OTOGL: variants seen among roughly 807,000 people sequenced by gnomAD.
The protein encoded by OTOGL is otogelin like, also known as otogelin-like protein.
A neutral mutation model predicts 318.5 loss-of-function variants in OTOGL; 285 were observed. The ratio of observed to expected loss-of-function variants is 0.89; its 90% CI spans 0.81 to 0.99. The LOEUF is 0.99. Ranked by LOEUF, OTOGL falls within the 50% of genes least tolerant of loss-of-function variation. The pLI, the probability that OTOGL is intolerant of heterozygous loss-of-function variation, is 0.00. For missense variants in OTOGL, 2,899 were observed against 2,845.6 expected (o/e 1.02, Z -0.43); for synonymous variants, 987 against 936.5 (o/e 1.05, Z -0.99).
chr12:80,316,316 A>G (rs1011848012), intron 32 of OTOGL, among the ~76,000 whole-genome samples: 1 of 152,160 alleles, frequency 6.6e-6, no homozygotes, highest in African/African-American at 2.4e-5. Context: ...TCCTCACTCA[A>G]AAATTCCTGT....
chr12:80,356,046 A>G (rs1416409552), intron 47 of OTOGL, 98 bp downstream of exon 47: 1 of 1,298,544 alleles, frequency 7.7e-7, no homozygotes, highest in African/African-American at 1.5e-5. Context: ...TATTTTTAAA[A>G]AAGGGCCATA....
At chr12:80,283,192 A>G (rs1453563833) in intron 26 of OTOGL, among the ~76,000 whole-genome samples, 1 of 151,920 alleles carries the variant, frequency 6.6e-6, no homozygotes, top group Non-Finnish European at 1.5e-5. Flanking sequence ...CCTTACAATA[A>G]TATACTATTT....
intron 29 of OTOGL, among the ~76,000 whole-genome samples, chr12:80,308,655 A>G (rs1886406398): frequency 6.6e-6 from 1 of 152,130 alleles, no homozygotes; most frequent in South Asian, 2.1e-4. Context: ...AGATCAGGCC[A>G]CTGCACTCCA....
At position 80,204,592 on chromosome 12, in the gene OTOGL, G is replaced by A. The variant is rs113483238; in HGVS notation, c.-19-4821G>A. 5.5e-3 allele frequency among the ~76,000 whole-genome samples: 841 copies of A among 152,206 alleles called. 7 individuals carry two copies. Among genetic ancestry groups the A allele is most frequent in the African/African-American group, 0.019 (780 of 41,526 alleles). On this transcript the variant is annotated intron_variant, in intron 1 of 58. Coordinates refer to ENST00000547103, the MANE Select transcript of OTOGL (RefSeq NM_001378609.3). ...ATAAAGTAACCTAGAAAATAAAAGC[G>A]TGTAATTTTTGATGCTTGGTGGTTT... is the stretch of plus-strand genomic sequence containing the variant.
chr12:80,302,426 CT>C (rs1225805653), intron 27 of OTOGL, among the ~76,000 whole-genome samples: 1 of 152,164 alleles, frequency 6.6e-6, no homozygotes, highest in Admixed American at 6.5e-5. Flanking sequence ...TGGGGTCCAT[CT>C]GCTAGTTCGT....
intron 11 of OTOGL, among the ~76,000 whole-genome samples, chr12:80,248,822 C>T (rs901443573): frequency 1.8e-4 from 27 of 150,010 alleles, no homozygotes; most frequent in Admixed American, 1.2e-3. Context: ...TAGATTTGGT[C>T]TTTTCACATA....
chr12:80,345,881 C>T (rs1258257454), intron 44 of OTOGL, among the ~76,000 whole-genome samples: 1 of 152,146 alleles, frequency 6.6e-6, no homozygotes, highest in Non-Finnish European at 1.5e-5. Flanking sequence ...CTTCAGACAA[C>T]ATCTTTAGCT....
chr12:80,282,950 G>C (rs569646625), intron 26 of OTOGL, among the ~76,000 whole-genome samples: 2 of 152,054 alleles, frequency 1.3e-5, no homozygotes, highest in African/African-American at 4.8e-5. Flanking sequence ...CAAGGACCAA[G>C]TCTTGCTCAT....
chr12:80,193,422 A>G (rs2137267007), intron 1 of OTOGL, among the ~76,000 whole-genome samples: 2 of 152,228 alleles, frequency 1.3e-5, no homozygotes, highest in East Asian at 3.9e-4. Context: ...AGGCTGAGGC[A>G]AGAGAATCAC....
Position 80,271,698 on chromosome 12 carries a change from C to G in OTOGL, c.2569C>G (p.Pro857Ala). Residue 857 changes from proline (P) to alanine (A), a missense_variant, in exon 24 of 59, where the codon CCT becomes GCT. Physicochemically the swap from Pro to Ala is conservative, Grantham distance 27. This residue lies in a region of OTOGL where 2,607 missense variants were observed against 2,524.9 expected (regional missense o/e 1.03). Transcript: ENST00000547103. ...GTATTTCGACTGCAGGTTTCCTGACCCTGAATTACCAGCTGGTGGTGTTAA... is the reference window on the plus strand; with the variant it reads ...GTATTTCGACTGCAGGTTTCCTGACGCTGAATTACCAGCTGGTGGTGTTAA... Reference protein sequence around the residue: ...KEYFDCRFPDPELPAGGVNCE... With the variant: ...KEYFDCRFPDAELPAGGVNCE... 2 of 1,612,968 alleles carry G rather than the reference C, an allele frequency of 1.2e-6. No homozygotes were observed. Among genetic ancestry groups the G allele is most frequent in the South Asian group, 1.1e-5 (1 of 91,050 alleles).
chr12:80,209,268 A>G lies in OTOGL; in HGVS notation c.-19-145A>G. 4 of 457,674 alleles carry G rather than the reference A, an allele frequency of 8.7e-6. No homozygotes were observed. In the South Asian group the frequency reaches 2.1e-4, roughly 24 times the overall value. The allele number at this position is 457,674 out of a possible 1,614,324, so 28.4% of individuals were successfully genotyped here. ...TTGTCTGCAAGTTCTAAAGCTTCAGATGCTGTATGTAGTTGGAAAGCCTGG... is the reference window on the plus strand; with the variant it reads ...TTGTCTGCAAGTTCTAAAGCTTCAGGTGCTGTATGTAGTTGGAAAGCCTGG... On this transcript the variant is annotated intron_variant, in intron 1 of 58. Transcript: ENST00000547103.
intron 43 of OTOGL, 40 bp downstream of exon 43, chr12:80,339,304 T>TTTTTTTTTG: frequency 8.7e-7 from 1 of 1,143,840 alleles, no homozygotes; most frequent in Non-Finnish European, 1.2e-6. Context: ...GTCTGTTTTT[T>TTTTTTTTTG]TTTTTTTTTT....
chr12:80,239,863 T>A (rs1880218786), intron 11 of OTOGL, among the ~76,000 whole-genome samples: 1 of 152,050 alleles, frequency 6.6e-6, no homozygotes, highest in Admixed American at 6.6e-5. Flanking sequence ...CCATAAGTAA[T>A]CTTTCTTCAC....
Position 80,355,224 on chromosome 12 carries a change from C to CTTTTTTTTTTTTTTTTTTTTTT in OTOGL, c.5594-508_5594-507insTTTTTTTTTTTTTTTTTTTTTT, listed in dbSNP as rs11343611. Reference sequence around the variant, plus strand: ...ACTTTTTTCTTTTCTTTCTTTCTTTCTTTTCTTTTTTTTTTTTTTTTTTTG... The same window carrying CTTTTTTTTTTTTTTTTTTTTTT: ...ACTTTTTTCTTTTCTTTCTTTCTTTCTTTTTTTTTTTTTTTTTTTTTTTTTTCTTTTTTTTTTTTTTTTTTTG... On this transcript the variant is annotated intron_variant, in intron 46 of 58. Transcript: ENST00000547103. 7.6e-5 allele frequency among the ~76,000 whole-genome samples: 5 copies of CTTTTTTTTTTTTTTTTTTTTTT among 65,600 alleles called. 2 individuals carry two copies. The highest frequency in any genetic ancestry group is 6.0e-5 in the African/African-American group (1 of 16,554). 43.0% of individuals were successfully genotyped at this position (65,600 alleles called of 152,430 possible). A position where few individuals can be genotyped will look rare whatever the true frequency, so the allele number is the denominator to read the frequency against.
chr12:80,174,223 T>C (rs1184178597), intron 1 of OTOGL, among the ~76,000 whole-genome samples: 2 of 152,122 alleles, frequency 1.3e-5, no homozygotes, highest in African/African-American at 4.8e-5. Context: ...TGAGCTGGAG[T>C]CAGAGATTCA....
chr12:80,265,236 C>T (rs1882863803), intron 20 of OTOGL, 26 bp downstream of exon 20: 2 of 1,587,398 alleles, frequency 1.3e-6, no homozygotes, highest in African/African-American at 2.7e-5. Flanking sequence ...CAGATAAAGA[C>T]TATCAGATAA....
intron 56 of OTOGL, among the ~76,000 whole-genome samples, 179 bp from the exon 57 acceptor site, chr12:80,371,840 A>G (rs979958771): frequency 7.2e-5 from 11 of 152,166 alleles, no homozygotes; most frequent in Non-Finnish European, 1.6e-4. Flanking sequence ...TAAACAAAAT[A>G]TCTACTCCAG....
chr12:80,352,562 A>G (rs759778823), intron 45 of OTOGL, 126 bp downstream of exon 45: 33 of 799,700 alleles, frequency 4.1e-5, no homozygotes, highest in Non-Finnish European at 5.5e-5. Context: ...AGAAGAAGCT[A>G]TGACAAACAC....
In OTOGL at chr12:80,339,092, T is replaced by G. The variant is rs763300518; in HGVS notation, c.4878T>G (p.Ile1626Met). Reference protein sequence around the residue: ...RLARKVEVDSIVVPLPFSSQE... With the variant: ...RLARKVEVDSMVVPLPFSSQE... ...TATTCTAGGTAGAAGTGGATTCCAT[T>G]GTTGTGCCTTTGCCCTTTTCAAGTC... is the stretch of plus-strand genomic sequence containing the variant. The change falls in exon 43 of 59, where the codon ATT (isoleucine) becomes ATG (methionine). Residue 1626 changes from isoleucine (I) to methionine (M), a missense_variant. By Grantham distance (10) the Ile-to-Met change is conservative (BLOSUM62 1). Coordinates refer to ENST00000547103, the MANE Select transcript of OTOGL (RefSeq NM_001378609.3). The G allele has an allele frequency of 1.2e-6, 2 of 1,607,108 alleles. No individual in the cohort carries two copies. Among genetic ancestry groups the G allele is most frequent in the Non-Finnish European group, 1.7e-6 (2 of 1,174,720 alleles).
Sources: gnomAD v4.1 joint callset for allele counts (sites outside exome capture counted in the v4.1 genomes callset) on GRCh38, gnomAD v4.1.1 for gene constraint, gnomAD v4.1.1 regional missense constraint, MANE v1.5 for transcripts, NCBI Gene and HGNC (gene_info 2026-07-23, HGNC 2026-07-21) for gene names.